Variants in FCN2 observed in about 807,000 individuals in gnomAD.
FCN2 encodes the protein ficolin-2.
FCN2 carries 31 observed loss-of-function variants against 32.5 expected under a neutral mutation model. The ratio of observed to expected loss-of-function variants is 0.96; its 90% CI spans 0.72 to 1.29. The LOEUF (loss-of-function observed/expected upper bound fraction) is 1.29, where lower values mean the gene tolerates loss of function less well. Ranked by LOEUF, FCN2 falls within the 50% of genes most tolerant of loss-of-function variation. The probability of loss-of-function intolerance (pLI) is 0.00; values close to 1 mark genes in which losing one functional copy is unlikely to be tolerated. For synonymous variants in FCN2, 181 were observed against 164.5 expected (o/e 1.10, Z -0.77); for missense variants, 412 against 406.5 (o/e 1.01, Z -0.12).
the FCN2 span, among the ~76,000 whole-genome samples, chr9:134,871,719 G>T: frequency 6.6e-6 from 1 of 152,172 alleles, no homozygotes; most frequent in African/African-American, 2.4e-5. Flanking sequence ...CCCCTTACCC[G>T]AGAGGAAAGA....
chr9:134,884,795 C>T (rs761347723), intron 4 of FCN2, 23 bp downstream of exon 4: 18 of 1,612,436 alleles, frequency 1.1e-5, no homozygotes, highest in Middle Eastern at 3.3e-4. Context: ...CCCCACACTC[C>T]TCCCACGGCT....
chr9:134,878,831 G>GA (rs1564204868), upstream of FCN2, among the ~76,000 whole-genome samples: 2 of 151,952 alleles, frequency 1.3e-5, no homozygotes, highest in African/African-American at 4.8e-5. Context: ...CAACAAGAGC[G>GA]AAACTCCGTC....
chr9:134,873,529 G>A, the FCN2 span, among the ~76,000 whole-genome samples: 1 of 152,138 alleles, frequency 6.6e-6, no homozygotes, highest in Non-Finnish European at 1.5e-5. Context: ...ATTACACCAG[G>A]CCCACTCAGA....
At position 134,887,384 on chromosome 9, in the gene FCN2, A is replaced by G. The variant is rs750014912; in HGVS notation, c.911A>G (p.Lys304Arg). Residue 304 changes from lysine to arginine, a missense_variant, in exon 8 of 8, where the codon AAG becomes AGG. Transcript: ENST00000291744. ...KSGKGYNYSY[K>R]VSEMKVRPA ...GGGAAAGGATACAATTATAGCTACA[A>G]GGTGTCAGAGATGAAGGTGCGACCT... is the stretch of plus-strand genomic sequence containing the variant. 1.9e-6 allele frequency: 3 copies of G among 1,613,916 alleles called. No individual in the cohort carries two copies. The African/African-American group carries it at 4.0e-5, about 22-fold the overall frequency.
chr9:134,883,028 C>T (rs1830687685), intron 2 of FCN2, among the ~76,000 whole-genome samples: 2 of 152,194 alleles, frequency 1.3e-5, no homozygotes, highest in Admixed American at 6.5e-5. Flanking sequence ...TCGCTCTGTT[C>T]TCACACTTGG....
intron 5 of FCN2, 54 bp from the exon 6 acceptor site, chr9:134,885,714 G>A (rs1336332553): frequency 1.2e-6 from 2 of 1,611,842 alleles, no homozygotes; most frequent in Admixed American, 1.7e-5. Flanking sequence ...GGTCCCCCGT[G>A]CTGTGGGACG....
chr9:134,887,230 A>G lies in FCN2; in HGVS notation c.757A>G (p.Asn253Asp). The part of the protein sequence containing the change: ...FSTKDQDNDL[N>D]TGNCAVMFQG... Reference sequence around the variant, plus strand: ...CACCAAAGACCAGGACAATGATCTTAACACCGGAAATTGTGCTGTGATGTT... The same window carrying G: ...CACCAAAGACCAGGACAATGATCTTGACACCGGAAATTGTGCTGTGATGTT... The change falls in exon 8 of 8, where the codon AAC becomes GAC. Residue 253 changes from asparagine (N) to aspartate (D), a missense_variant. Transcript: ENST00000291744. 2.5e-6 allele frequency: 4 copies of G among 1,614,182 alleles called. No individual in the cohort carries two copies. Among genetic ancestry groups the G allele is most frequent in the Non-Finnish European group, 3.4e-6 (4 of 1,180,006 alleles).
chr9:134,881,414 G>A (rs1418299083), intron 1 of FCN2, among the ~76,000 whole-genome samples: 2 of 152,182 alleles, frequency 1.3e-5, no homozygotes, highest in Non-Finnish European at 2.9e-5. Flanking sequence ...TTCCCATGGT[G>A]TCCCTGATGC....
intron 6 of FCN2, among the ~76,000 whole-genome samples, chr9:134,886,157 G>A (rs1015344284): frequency 1.3e-4 from 20 of 152,166 alleles, no homozygotes; most frequent in Non-Finnish European, 2.8e-4. Context: ...TCCTGAGAGG[G>A]GAAGGAGGGA....
the FCN2 span, among the ~76,000 whole-genome samples, chr9:134,869,199 G>C: frequency 1.3e-5 from 2 of 152,216 alleles, no homozygotes; most frequent in Admixed American, 6.5e-5. Flanking sequence ...ACTCATGCAT[G>C]AGAGCCTCAC....
chr9:134,871,008 G>A, the FCN2 span, among the ~76,000 whole-genome samples: 7 of 152,192 alleles, frequency 4.6e-5, no homozygotes, highest in African/African-American at 1.7e-4. Context: ...CAGCACGGCC[G>A]ACATGGTACA....
chr9:134,884,876 A>C (rs1314831719), intron 4 of FCN2, 104 bp downstream of exon 4: 1 of 1,052,238 alleles, frequency 9.5e-7, no homozygotes, highest in Non-Finnish European at 1.5e-6. Flanking sequence ...AAATATGAAC[A>C]GAAGAAAATG....
At chr9:134,886,640 C>T in intron 7 of FCN2, 76 bp downstream of exon 7, 1 of 1,550,724 alleles carries the variant, frequency 6.4e-7, no homozygotes, top group South Asian at 1.2e-5. Flanking sequence ...TGCTCAGTGT[C>T]CTGGTAGCCT....
chr9:134,869,880 C>T, the FCN2 span, among the ~76,000 whole-genome samples: 7,685 of 152,204 alleles, frequency 0.05, 229 homozygotes, highest in Admixed American at 0.085. Flanking sequence ...GCACTGTTCC[C>T]GAGCTCCCAC....
chr9:134,881,184 T>TC (rs1291502593), intron 1 of FCN2, among the ~76,000 whole-genome samples: 1 of 152,104 alleles, frequency 6.6e-6, no homozygotes, highest in East Asian at 1.9e-4. Context: ...GGGCCACATG[T>TC]CCCCCTCTAA....
At chr9:134,876,869 C>T (rs1185813573), upstream of FCN2, among the ~76,000 whole-genome samples, 1 of 145,904 alleles carries the variant, frequency 6.9e-6, no homozygotes, top group East Asian at 1.9e-4. Flanking sequence ...GCCACCACGC[C>T]AGTTGTTTGA....
intron 4 of FCN2, among the ~76,000 whole-genome samples, 199 bp from the exon 5 acceptor site, chr9:134,885,040 G>A (rs987186196): frequency 3.9e-5 from 6 of 152,236 alleles, no homozygotes; most frequent in African/African-American, 1.4e-4. Flanking sequence ...GACACTGGGA[G>A]GTGGGAGGGC....
intron 4 of FCN2, among the ~76,000 whole-genome samples, 188 bp downstream of exon 4, chr9:134,884,960 T>C (rs71506945): frequency 0.01 from 1,597 of 152,266 alleles, 20 homozygotes; most frequent in South Asian, 0.079. Context: ...TTACATACAC[T>C]CCATGGCAAT....
At chr9:134,878,982 A>G (rs1830628240), upstream of FCN2, among the ~76,000 whole-genome samples, 1 of 152,252 alleles carries the variant, frequency 6.6e-6, no homozygotes, top group African/African-American at 2.4e-5. Flanking sequence ...AACTTAGCCA[A>G]CTAAACACCT....
Sources: gnomAD v4.1 joint callset for allele counts (sites outside exome capture counted in the v4.1 genomes callset) on GRCh38, gnomAD v4.1.1 for gene constraint, MANE v1.5 for transcripts, NCBI Gene and HGNC (gene_info 2026-07-23, HGNC 2026-07-21) for gene names.